The following SLC11A2 variants were observed in gnomAD, a reference collection of about 807,000 sequenced individuals.
SLC11A2 encodes the protein natural resistance-associated macrophage protein 2.
In SLC11A2, 38 loss-of-function variants were observed where a neutral mutation model predicts 68.0. The observed-to-expected ratio is 0.56, with a 90% CI of 0.43 to 0.73. The LOEUF (loss-of-function observed/expected upper bound fraction) is 0.73, where lower values mean the gene tolerates loss of function less well. SLC11A2 is among the 30% of genes least tolerant of loss of function. SLC11A2 has a pLI of 0.00. For synonymous variants in SLC11A2, 242 were observed against 250.6 expected, an observed-to-expected ratio of 0.97 and a Z score of 0.32; for missense variants, 517 against 690.5, an observed-to-expected ratio of 0.75 and a Z score of 2.82.
the SLC11A2 span, among the ~76,000 whole-genome samples, chr12:50,959,141 C>T: frequency 5.9e-5 from 9 of 151,976 alleles, 1 homozygote; most frequent in South Asian, 6.2e-4. Context: ...TTTCCTGAGA[C>T]GGAGTTTTGC....
In SLC11A2 at chr12:50,987,305, A is replaced by G. The variant is rs1325294312; in HGVS notation, c.*1020T>C. On this transcript the variant is annotated 3_prime_UTR_variant, in exon 16 of 16. Transcript: ENST00000262052. The stretch of plus-strand genomic sequence containing the variant: ...AGTGTGCTTTGCAACGGTTAAGTCC[A>G]CAGCTCCTGAGATTGCCTCGCAAGT... The G allele has an allele frequency of 3.1e-6, 4 of 1,287,092 alleles. No homozygotes were observed. The highest frequency in any genetic ancestry group is 3.3e-4 in the Middle Eastern group (1 of 3,064). The allele number at this position is 1,287,092 out of a possible 1,614,324, so 79.7% of individuals were successfully genotyped here. A position where few individuals can be genotyped will look rare whatever the true frequency, so the allele number is the denominator to read the frequency against.
chr12:51,011,552 G>GTTTT lies in SLC11A2; in HGVS notation c.-38-790_-38-787dup, dbSNP rs772957287. On this transcript the variant is annotated intron_variant, in intron 1 of 15. Transcript: ENST00000262052. ...CACATTTCCCCCTATTTTATGAGTTGTTTTTTTTTGTTTTTTTTTTAGTTT... is the reference window on the plus strand; with the variant it reads ...CACATTTCCCCCTATTTTATGAGTTGTTTTTTTTTTTTTGTTTTTTTTTTAGTTT... Among the ~76,000 whole-genome samples the GTTTT allele has an allele frequency of 3.6e-4, 45 of 125,124 alleles. 11 individuals carry two copies. The highest frequency in any genetic ancestry group is 8.5e-3 in the Middle Eastern group (2 of 234). The allele number at this position is 125,124 out of a possible 152,430, so 82.1% of individuals were successfully genotyped here.
chr12:51,001,585 C>CAAAAAAAAAAAAAAAAAAA (rs57569917), intron 5 of SLC11A2, among the ~76,000 whole-genome samples: 1 of 109,164 alleles, frequency 9.2e-6, no homozygotes, highest in Non-Finnish European at 2.0e-5. Flanking sequence ...CTTGCTTTCA[C>CAAAAAAAAAAAAAAAAAAA]AAAAAAAAAA....
chr12:51,008,539 A>G lies in SLC11A2; in HGVS notation c.120T>C (p.Pro40=), dbSNP rs750011143. Reference sequence around the variant, plus strand: ...TGGCGAAGTACTCCTCTGAGTCCCCAGGGGACTGTGAAAGAGAGGGATTAC... The same window carrying G: ...TGGCGAAGTACTCCTCTGAGTCCCCGGGGGACTGTGAAAGAGAGGGATTAC... The part of the protein sequence containing the change: ...AYSNPSLSQS[P]GDSEEYFATY... Residue 40 remains proline (P), a synonymous_variant, in exon 3 of 16, where the codon CCT becomes CCC. Coordinates refer to ENST00000262052, the MANE Select transcript of SLC11A2 (RefSeq NM_000617.3). 1.1e-5 allele frequency: 17 copies of G among 1,611,066 alleles called. No homozygotes were observed. Among genetic ancestry groups the G allele is most frequent in the Non-Finnish European group, 1.4e-5 (16 of 1,177,380 alleles).
chr12:50,983,244 CT>C (rs1396214395), downstream of SLC11A2, among the ~76,000 whole-genome samples: 1 of 152,138 alleles, frequency 6.6e-6, no homozygotes, highest in African/African-American at 2.4e-5. Flanking sequence ...GAAGTTATTT[CT>C]TTTTACTTTT....
At chr12:50,999,572 T>G in intron 6 of SLC11A2, 157 bp from the exon 7 acceptor site, 1 of 683,360 alleles carries the variant, frequency 1.5e-6, no homozygotes, top group South Asian at 1.6e-5. Flanking sequence ...TTGGGTAAAG[T>G]AGGGTAACAG....
chr12:50,984,121 T>G (rs1363123743), downstream of SLC11A2, among the ~76,000 whole-genome samples: 2 of 150,142 alleles, frequency 1.3e-5, no homozygotes, highest in Non-Finnish European at 3.0e-5. Context: ...AAAGCTCGAC[T>G]CCATCTCAGA....
At chr12:50,959,656 T>G in the SLC11A2 span, among the ~76,000 whole-genome samples, 4 of 152,284 alleles carry the variant, frequency 2.6e-5, no homozygotes, top group Admixed American at 2.6e-4. Flanking sequence ...TTGTTTGTTT[T>G]TTGTTTTTTA....
At chr12:51,004,715 G>T in intron 5 of SLC11A2, 73 bp downstream of exon 5, 1 of 1,561,656 alleles carries the variant, frequency 6.4e-7, no homozygotes, top group Non-Finnish European at 8.8e-7. Context: ...ATAGAATGAG[G>T]CCAGCACATA....
chr12:50,969,935 A>C, the SLC11A2 span, among the ~76,000 whole-genome samples: 1 of 151,776 alleles, frequency 6.6e-6, no homozygotes, highest in Non-Finnish European at 1.5e-5. Context: ...TCTCTTCCTT[A>C]CCCTATTCCT....
At chr12:50,962,526 C>T in the SLC11A2 span, among the ~76,000 whole-genome samples, 1 of 151,876 alleles carries the variant, frequency 6.6e-6, no homozygotes, top group South Asian at 2.1e-4. Context: ...ATGGTGAAAC[C>T]CTATCTCTAC....
At chr12:50,981,713 C>T, downstream of SLC11A2, 1 of 1,517,268 alleles carries the variant, frequency 6.6e-7, no homozygotes, top group Admixed American at 2.0e-5. Context: ...TATAGAGTCT[C>T]TCAGGCTGTC....
intron 1 of SLC11A2, among the ~76,000 whole-genome samples, chr12:51,017,202 G>A (rs999881400): frequency 5.9e-5 from 9 of 151,798 alleles, no homozygotes; most frequent in Non-Finnish European, 1.3e-4. Context: ...CCACAGCATT[G>A]TTTGTAGTAT....
At chr12:50,995,209 G>A in intron 10 of SLC11A2, 1 of 259,920 alleles carries the variant, frequency 3.8e-6, no homozygotes, top group South Asian at 4.5e-5. Flanking sequence ...CTACTCAGGA[G>A]GCTGAGGCAG....
At chr12:50,998,602 A>AT (rs1340072377) in intron 8 of SLC11A2, among the ~76,000 whole-genome samples, 1 of 152,132 alleles carries the variant, frequency 6.6e-6, no homozygotes, top group East Asian at 1.9e-4. Context: ...GATTACATAT[A>AT]TTTTTTAAAG....
chr12:50,956,626 G>A, the SLC11A2 span, among the ~76,000 whole-genome samples: 1 of 152,142 alleles, frequency 6.6e-6, no homozygotes, highest in Non-Finnish European at 1.5e-5. Flanking sequence ...TTTAAAGTAT[G>A]TGTTGACAGA....
chr12:51,005,902 C>G (rs1942679944), intron 3 of SLC11A2: 3 of 346,696 alleles, frequency 8.7e-6, no homozygotes, highest in Non-Finnish European at 1.7e-5. Flanking sequence ...CAAAGAAAAC[C>G]TGAAAAACTA....
chr12:50,952,727 G>A, the SLC11A2 span, among the ~76,000 whole-genome samples: 8 of 152,300 alleles, frequency 5.3e-5, no homozygotes, highest in South Asian at 2.1e-4. Context: ...TGAGCCCGGC[G>A]GGCTCTCATC....
intron 2 of SLC11A2, among the ~76,000 whole-genome samples, chr12:51,009,987 C>A (rs1264075791): frequency 6.6e-6 from 1 of 151,118 alleles, no homozygotes; most frequent in African/African-American, 2.4e-5. Flanking sequence ...TTCAAGACCA[C>A]CCTGACCAAC....
Sources: allele counts gnomAD v4.1 joint callset (sites outside exome capture counted in the v4.1 genomes callset), GRCh38; gene constraint gnomAD v4.1.1; transcripts MANE v1.5; gene names NCBI Gene and HGNC (gene_info 2026-07-23, HGNC 2026-07-21).